GRB14: variants seen among roughly 807,000 people sequenced by gnomAD.
GRB14 encodes the protein growth factor receptor bound protein 14.
In GRB14, 38 loss-of-function variants were observed where a neutral mutation model predicts 69.1. The observed-to-expected ratio is 0.55, with a 90% CI of 0.42 to 0.72. GRB14 has a LOEUF of 0.72. Ranked by LOEUF, GRB14 falls within the 30% of genes least tolerant of loss-of-function variation. The pLI is 0.00. For synonymous variants in GRB14, 247 were observed against 241.3 expected (o/e 1.02, Z -0.22); for missense variants, 666 against 666.1 (o/e 1.00, Z 0.00).
chr2:164,568,398 T>C (rs1359044230), intron 2 of GRB14: 2 of 1,283,234 alleles, frequency 1.6e-6, no homozygotes, highest in Admixed American at 2.3e-5. Flanking sequence ...CTTAGAATGA[T>C]CCTGTCTCGT....
chr2:164,506,707 GTCCATCAGTGAAAAAATGGA>G (rs898423361), intron 8 of GRB14, among the ~76,000 whole-genome samples: 2 of 152,024 alleles, frequency 1.3e-5, no homozygotes, highest in African/African-American at 4.8e-5. Flanking sequence ...CAACCTAAAT[GTCCATCAGTGAAAAAATGGA>G]TAAACTGTGT....
chr2:164,495,883 CT>C (rs1051032344), intron 12 of GRB14, among the ~76,000 whole-genome samples: 11 of 152,130 alleles, frequency 7.2e-5, no homozygotes, highest in African/African-American at 2.7e-4. Context: ...AAGATAGTAT[CT>C]TTTTTTATAC....
intron 6 of GRB14, among the ~76,000 whole-genome samples, chr2:164,517,616 G>A (rs867022332): frequency 1.3e-4 from 20 of 152,102 alleles, no homozygotes; most frequent in African/African-American, 4.8e-4. Context: ...CTGTCTTCAA[G>A]AGACTCACAT....
At chr2:164,558,374 A>T (rs1688734162) in intron 2 of GRB14, among the ~76,000 whole-genome samples, 1 of 152,206 alleles carries the variant, frequency 6.6e-6, no homozygotes. Flanking sequence ...TTATAAAAGA[A>T]AGCAAACATT....
At chr2:164,537,817 A>C (rs1466537063) in intron 3 of GRB14, among the ~76,000 whole-genome samples, 2 of 152,148 alleles carry the variant, frequency 1.3e-5, no homozygotes, top group Non-Finnish European at 2.9e-5. Context: ...GAAAGCCCAG[A>C]GGGTCAGGGC....
At chr2:164,539,261 G>C (rs543637787) in intron 3 of GRB14, among the ~76,000 whole-genome samples, 1 of 152,048 alleles carries the variant, frequency 6.6e-6, no homozygotes, top group Admixed American at 6.5e-5. Flanking sequence ...GATCACTTGA[G>C]GTCAGGAGTT....
chr2:164,596,325 C>A (rs951898846), intron 2 of GRB14, among the ~76,000 whole-genome samples: 9 of 152,144 alleles, frequency 5.9e-5, no homozygotes, highest in African/African-American at 1.9e-4. Context: ...ATCAATAAAG[C>A]AGTAAGGGTT....
At chr2:164,544,831 G>C (rs1191457121) in intron 3 of GRB14, among the ~76,000 whole-genome samples, 1 of 152,144 alleles carries the variant, frequency 6.6e-6, no homozygotes, top group East Asian at 1.9e-4. Context: ...ACATGTCCTA[G>C]GACACCAGTT....
At chr2:164,507,886 T>C (rs1007230960) in intron 8 of GRB14, among the ~76,000 whole-genome samples, 2 of 152,224 alleles carry the variant, frequency 1.3e-5, no homozygotes, top group African/African-American at 4.8e-5. Context: ...CTTTAGAATA[T>C]TGTTACTCAT....
At chr2:164,518,831 C>T (rs989431276) in intron 6 of GRB14, among the ~76,000 whole-genome samples, 45 of 151,976 alleles carry the variant, frequency 3.0e-4, no homozygotes, top group Non-Finnish European at 4.6e-4. Flanking sequence ...GACATAAAAA[C>T]GCTGAGCAGA....
intron 2 of GRB14, among the ~76,000 whole-genome samples, chr2:164,549,827 G>A (rs1412508674): frequency 1.3e-5 from 2 of 150,086 alleles, no homozygotes; most frequent in Admixed American, 1.3e-4. Flanking sequence ...TCGTGCCACT[G>A]CACTCCAGCC....
intron 12 of GRB14, among the ~76,000 whole-genome samples, chr2:164,496,365 A>C (rs1312058235): frequency 6.6e-6 from 1 of 152,216 alleles, no homozygotes. Flanking sequence ...TTTGAGAAAA[A>C]TAAAATTCTT....
intron 2 of GRB14, among the ~76,000 whole-genome samples, chr2:164,613,006 A>T (rs1690202821): frequency 6.6e-6 from 1 of 152,208 alleles, no homozygotes; most frequent in Admixed American, 6.5e-5. Flanking sequence ...GTGGGAAGGA[A>T]CCTGAGTTGG....
At chr2:164,510,612 G>A (rs1264114739) in intron 6 of GRB14, among the ~76,000 whole-genome samples, 1 of 152,000 alleles carries the variant, frequency 6.6e-6, no homozygotes, top group Non-Finnish European at 1.5e-5. Context: ...TGAACAGAAG[G>A]CTCTACCTAT....
intron 2 of GRB14, among the ~76,000 whole-genome samples, chr2:164,611,429 A>C (rs1690164479): frequency 6.6e-6 from 1 of 152,070 alleles, no homozygotes; most frequent in African/African-American, 2.4e-5. Context: ...AGTACTTAAC[A>C]AGAACAGAAA....
chr2:164,538,183 T>C (rs759980725), intron 3 of GRB14, among the ~76,000 whole-genome samples: 2 of 152,176 alleles, frequency 1.3e-5, no homozygotes, highest in Non-Finnish European at 2.9e-5. Flanking sequence ...CACAATGATA[T>C]TCACAATGGA....
intron 2 of GRB14, among the ~76,000 whole-genome samples, chr2:164,569,578 C>A (rs1021744170): frequency 6.6e-6 from 1 of 152,154 alleles, no homozygotes; most frequent in African/African-American, 2.4e-5. Context: ...AACACAGACA[C>A]AAACTTTCCA....
intron 2 of GRB14, among the ~76,000 whole-genome samples, chr2:164,576,309 A>G (rs1257525967): frequency 6.6e-6 from 1 of 151,956 alleles, no homozygotes; most frequent in Non-Finnish European, 1.5e-5. Flanking sequence ...TATAAATATA[A>G]AATATATAAA....
chr2:164,587,478 C>G (rs1689565660), intron 2 of GRB14, among the ~76,000 whole-genome samples: 1 of 152,132 alleles, frequency 6.6e-6, no homozygotes, highest in South Asian at 2.1e-4. Flanking sequence ...TTTATTGGAA[C>G]AATGTAGCCC....
Sources: allele counts gnomAD v4.1 joint callset (sites outside exome capture counted in the v4.1 genomes callset), GRCh38; gene constraint gnomAD v4.1.1; transcripts MANE v1.5; gene names NCBI Gene and HGNC (gene_info 2026-07-23, HGNC 2026-07-21).